POLK: variants seen among roughly 807,000 people sequenced by gnomAD.
POLK encodes DNA polymerase kappa.
In POLK, 76 loss-of-function variants were observed where a neutral mutation model predicts 94.0. The ratio of observed to expected loss-of-function variants is 0.81; its 90% CI spans 0.67 to 0.98. The LOEUF is 0.98. POLK is among the 50% of genes least tolerant of loss of function. The pLI, the probability that POLK is intolerant of heterozygous loss-of-function variation, is 0.00. For synonymous variants in POLK, 349 were observed against 325.4 expected (o/e 1.07, Z -0.78); for missense variants, 954 against 1,010.1 (o/e 0.94, Z 0.75).
exon 11 of POLK, chr5:75,590,439 A>C: frequency 6.3e-7 from 1 of 1,585,640 alleles, no homozygotes; most frequent in Non-Finnish European, 8.7e-7. Flanking sequence ...GAAAGACTTA[A>C]GGTGCTTTAT....
chr5:75,597,649 G>GTTATC lies in POLK; in HGVS notation c.2486-96_2486-95insATCTT, dbSNP rs56227691. 874 of 626,592 alleles carry GTTATC rather than the reference G, an allele frequency of 1.4e-3. 5 individuals are homozygous for GTTATC. The East Asian group carries it at 0.018, about 13-fold the overall frequency. 38.8% of individuals were successfully genotyped at this position (626,592 alleles called of 1,614,324 possible). A position where few individuals can be genotyped will look rare whatever the true frequency, so the allele number is the denominator to read the frequency against. On this transcript the variant is annotated intron_variant, in intron 13 of 14. Transcript: ENST00000241436. ...ATATGAACTATATAGTACTAAGGAA[G>GTTATC]TTTAATCAATAAGTTTTAACTTTTT...
intron 3 of POLK, among the ~76,000 whole-genome samples, chr5:75,559,542 TTTTTTTTTA>T (rs1770859575): frequency 7.2e-6 from 1 of 138,800 alleles, no homozygotes; most frequent in Admixed American, 7.2e-5. Flanking sequence ...TTTTTTTTTT[TTTTTTTTTA>T]GAGACAGGGT....
chr5:75,594,292 C>T (rs1016879159), intron 12 of POLK, among the ~76,000 whole-genome samples: 4 of 152,160 alleles, frequency 2.6e-5, no homozygotes, highest in East Asian at 3.8e-4. Context: ...CAATTTACAG[C>T]GGGTTTATCT....
upstream of POLK, chr5:75,511,638 C>T (rs2112496446): frequency 6.7e-7 from 1 of 1,494,412 alleles, no homozygotes; most frequent in Non-Finnish European, 8.9e-7. Flanking sequence ...TTACCCTCCC[C>T]TCCCCTGTCC....
At chr5:75,520,708 A>G (rs1372029126) in intron 1 of POLK, among the ~76,000 whole-genome samples, 2 of 152,198 alleles carry the variant, frequency 1.3e-5, no homozygotes, top group East Asian at 3.8e-4. Context: ...ATAGACTAGC[A>G]ATGAGTTTTA....
At chr5:75,522,247 T>C (rs1047704932) in intron 1 of POLK, among the ~76,000 whole-genome samples, 2 of 152,196 alleles carry the variant, frequency 1.3e-5, no homozygotes, top group African/African-American at 4.8e-5. Flanking sequence ...TCCACATACT[T>C]GGTGTCAGGC....
intron 1 of POLK, among the ~76,000 whole-genome samples, chr5:75,515,548 G>A (rs1446021488): frequency 6.6e-6 from 1 of 152,066 alleles, no homozygotes; most frequent in African/African-American, 2.4e-5. Flanking sequence ...TTTAGCTATT[G>A]TGAATAGTGC....
At chr5:75,515,142 C>T (rs1768263477) in intron 1 of POLK, among the ~76,000 whole-genome samples, 1 of 152,128 alleles carries the variant, frequency 6.6e-6, no homozygotes, top group Non-Finnish European at 1.5e-5. Flanking sequence ...TTGCAACTAT[C>T]CCCTTGTCTT....
upstream of POLK, chr5:75,511,394 G>A: frequency 6.5e-7 from 1 of 1,546,454 alleles, no homozygotes; most frequent in Non-Finnish European, 8.7e-7. Context: ...ACCGAGCGGA[G>A]CGAGGAAGGA....
intron 1 of POLK, among the ~76,000 whole-genome samples, chr5:75,533,493 A>C (rs1415105718): frequency 6.6e-6 from 1 of 152,140 alleles, no homozygotes; most frequent in Non-Finnish European, 1.5e-5. Context: ...ATATCCTTGT[A>C]ATATAGTTTG....
chr5:75,544,948 T>A (rs1769935280), intron 1 of POLK, among the ~76,000 whole-genome samples: 1 of 152,136 alleles, frequency 6.6e-6, no homozygotes, highest in African/African-American at 2.4e-5. Flanking sequence ...CGAAATAACA[T>A]CTATACCAGT....
At chr5:75,531,244 C>T (rs193135791) in intron 1 of POLK, among the ~76,000 whole-genome samples, 2 of 150,924 alleles carry the variant, frequency 1.3e-5, no homozygotes, top group Non-Finnish European at 3.0e-5. Context: ...TAAATTCTTA[C>T]CATCATTCAA....
chr5:75,573,215 G>A (rs1161770374), intron 4 of POLK, among the ~76,000 whole-genome samples: 1 of 152,112 alleles, frequency 6.6e-6, no homozygotes, highest in African/African-American at 2.4e-5. Flanking sequence ...CCTTTTTAGG[G>A]ACATGGATGA....
chr5:75,588,932 A>T (rs113611401), intron 10 of POLK, among the ~76,000 whole-genome samples: 1 of 152,198 alleles, frequency 6.6e-6, no homozygotes, highest in African/African-American at 2.4e-5. Context: ...CCCTTTTGTC[A>T]TGTAAGATAC....
chr5:75,546,051 T>C (rs1315783782), intron 1 of POLK, among the ~76,000 whole-genome samples: 2 of 152,182 alleles, frequency 1.3e-5, no homozygotes, highest in East Asian at 3.8e-4. Context: ...AGATGACCTT[T>C]GAACACCACA....
intron 11 of POLK, among the ~76,000 whole-genome samples, chr5:75,593,610 G>C (rs1213195423): frequency 6.6e-6 from 1 of 152,154 alleles, no homozygotes; most frequent in Admixed American, 6.5e-5. Context: ...CCAACACTTT[G>C]GGAGGCCAGG....
At chr5:75,592,247 C>T (rs1772827996) in intron 11 of POLK, among the ~76,000 whole-genome samples, 1 of 152,174 alleles carries the variant, frequency 6.6e-6, no homozygotes, top group Non-Finnish European at 1.5e-5. Context: ...TAGCATCTGG[C>T]AATGCAGAAG....
At chr5:75,592,654 C>T (rs1772848045) in intron 11 of POLK, among the ~76,000 whole-genome samples, 1 of 151,766 alleles carries the variant, frequency 6.6e-6, no homozygotes, top group South Asian at 2.1e-4. Flanking sequence ...AAGATCCCGC[C>T]ACTGCACTCC....
intron 11 of POLK, among the ~76,000 whole-genome samples, chr5:75,593,497 C>A (rs941090071): frequency 6.6e-6 from 1 of 152,076 alleles, no homozygotes; most frequent in Non-Finnish European, 1.5e-5. Flanking sequence ...TGTCCGTAAA[C>A]CTTTCTGAAT....
Sources: gnomAD v4.1 joint callset for allele counts (sites outside exome capture counted in the v4.1 genomes callset) on GRCh38, gnomAD v4.1.1 for gene constraint, MANE v1.5 for transcripts, NCBI Gene and HGNC (gene_info 2026-07-23, HGNC 2026-07-21) for gene names.